Variants in FBXL7 observed in about 807,000 individuals in gnomAD.
FBXL7 encodes F-box/LRR-repeat protein 7.
A neutral mutation model predicts 38.3 loss-of-function variants in FBXL7; 12 were observed. That is an observed-to-expected ratio of 0.31 (90% CI 0.20 to 0.51). FBXL7 has a LOEUF of 0.51. Ranked by LOEUF, FBXL7 falls within the 20% of genes least tolerant of loss-of-function variation. FBXL7 has a pLI of 0.98. For missense variants in FBXL7, 567 were observed against 676.4 expected, an observed-to-expected ratio of 0.84 and a Z score of 1.79; for synonymous variants, 297 against 300.9, an observed-to-expected ratio of 0.99 and a Z score of 0.13.
At chr5:15,792,955 C>T (rs1737315242) in intron 2 of FBXL7, among the ~76,000 whole-genome samples, 1 of 152,126 alleles carries the variant, frequency 6.6e-6, no homozygotes. Context: ...GGGAGTCAGA[C>T]CAGGAACTGT....
chr5:15,805,825 G>T (rs983473879), intron 2 of FBXL7, among the ~76,000 whole-genome samples: 1 of 152,124 alleles, frequency 6.6e-6, no homozygotes, highest in African/African-American at 2.4e-5. Context: ...TAACTTCAGT[G>T]GATATAAAAT....
intron 2 of FBXL7, among the ~76,000 whole-genome samples, chr5:15,917,528 A>C (rs1455664538): frequency 6.6e-6 from 1 of 152,092 alleles, no homozygotes; most frequent in African/African-American, 2.4e-5. Flanking sequence ...GGATCCCTTG[A>C]GTCCAGGGGT....
chr5:15,539,425 G>A (rs57991493), intron 1 of FBXL7, among the ~76,000 whole-genome samples: 5,205 of 152,134 alleles, frequency 0.034, 210 homozygotes, highest in African/African-American at 0.1. Context: ...ACTCTTAATG[G>A]TCTACACTGT....
At chr5:15,834,630 C>A (rs1738541460) in intron 2 of FBXL7, among the ~76,000 whole-genome samples, 1 of 152,200 alleles carries the variant, frequency 6.6e-6, no homozygotes, top group Non-Finnish European at 1.5e-5. Flanking sequence ...TCCAGACAAT[C>A]TTAAATGCAC....
intron 2 of FBXL7, among the ~76,000 whole-genome samples, chr5:15,676,504 T>C (rs997205299): frequency 2.0e-5 from 3 of 152,264 alleles, no homozygotes; most frequent in Admixed American, 2.0e-4. Context: ...TTTAAAATCT[T>C]ACTCAAGCTT....
chr5:15,527,039 A>G lies in FBXL7; in HGVS notation c.37+26326A>G, dbSNP rs371832908. On this transcript the variant is annotated intron_variant, in intron 1 of 3. Coordinates refer to ENST00000504595, the MANE Select transcript of FBXL7 (RefSeq NM_012304.5). Reference sequence around the variant, plus strand: ...CTAACTGTTCACATTGTAGTAGTTCAGTTGGTTTATGGACCTCCACCCATG... The same window carrying G: ...CTAACTGTTCACATTGTAGTAGTTCGGTTGGTTTATGGACCTCCACCCATG... 8.5e-5 allele frequency among the ~76,000 whole-genome samples: 13 copies of G among 152,320 alleles called. No homozygotes were observed. In the East Asian group the frequency reaches 1.4e-3, roughly 16 times the overall value.
At chr5:15,750,544 G>A (rs1212985102) in intron 2 of FBXL7, among the ~76,000 whole-genome samples, 1 of 152,200 alleles carries the variant, frequency 6.6e-6, no homozygotes, top group Non-Finnish European at 1.5e-5. Context: ...TCAAGTCTCT[G>A]ATTGAACATT....
chr5:15,785,007 G>A (rs573828337), intron 2 of FBXL7, among the ~76,000 whole-genome samples: 36 of 152,200 alleles, frequency 2.4e-4, no homozygotes, highest in African/African-American at 7.7e-4. Flanking sequence ...TTCATCTGAG[G>A]GTTGGGTGTA....
At chr5:15,739,407 G>A (rs537758449) in intron 2 of FBXL7, among the ~76,000 whole-genome samples, 9 of 152,280 alleles carry the variant, frequency 5.9e-5, no homozygotes, top group African/African-American at 7.2e-5. Context: ...TTCACATACC[G>A]TAGATTTCAC....
chr5:15,796,441 T>C (rs1195687937), intron 2 of FBXL7, among the ~76,000 whole-genome samples: 1 of 151,922 alleles, frequency 6.6e-6, no homozygotes, highest in African/African-American at 2.4e-5. Context: ...CCATTTGGCC[T>C]GCAAAGCCTA....
intron 2 of FBXL7, among the ~76,000 whole-genome samples, chr5:15,762,000 T>G (rs1736461582): frequency 6.6e-6 from 1 of 152,210 alleles, no homozygotes; most frequent in Non-Finnish European, 1.5e-5. Flanking sequence ...CAACACACGT[T>G]CATTATCTCA....
At chr5:15,772,566 C>G (rs1012561002) in intron 2 of FBXL7, among the ~76,000 whole-genome samples, 1 of 152,164 alleles carries the variant, frequency 6.6e-6, no homozygotes, top group African/African-American at 2.4e-5. Context: ...GCCACAGAAG[C>G]TATGTCAACT....
chr5:15,744,575 T>C (rs1735967699), intron 2 of FBXL7, among the ~76,000 whole-genome samples: 1 of 152,222 alleles, frequency 6.6e-6, no homozygotes, highest in Admixed American at 6.5e-5. Flanking sequence ...TTCTCACACT[T>C]TCCTGTCTTC....
chr5:15,545,540 G>A (rs1454900530), intron 1 of FBXL7, among the ~76,000 whole-genome samples: 1 of 152,032 alleles, frequency 6.6e-6, no homozygotes, highest in Non-Finnish European at 1.5e-5. Flanking sequence ...ACTTCTTACA[G>A]TTTTTAATGA....
intron 2 of FBXL7, among the ~76,000 whole-genome samples, chr5:15,754,794 A>T (rs1199198022): frequency 1.3e-5 from 2 of 152,178 alleles, no homozygotes; most frequent in African/African-American, 4.8e-5. Flanking sequence ...TCTAGACTCT[A>T]CTAGGCTCTT....
intron 1 of FBXL7, among the ~76,000 whole-genome samples, chr5:15,514,941 T>G (rs1437009766): frequency 6.6e-6 from 1 of 152,226 alleles, no homozygotes; most frequent in Non-Finnish European, 1.5e-5. Context: ...GAGTCCCATG[T>G]TGCAACTACA....
chr5:15,627,623 A>C (rs1740861980), intron 2 of FBXL7, among the ~76,000 whole-genome samples: 3 of 152,178 alleles, frequency 2.0e-5, no homozygotes, highest in Admixed American at 1.3e-4. Context: ...TCAGTGACAA[A>C]TAGGCCATTC....
intron 2 of FBXL7, among the ~76,000 whole-genome samples, chr5:15,727,957 GCT>G (rs1427492537): frequency 1.9e-4 from 29 of 152,146 alleles, no homozygotes; most frequent in Admixed American, 8.5e-4. Flanking sequence ...AATTTCCATT[GCT>G]CTCTCTTCAA....
intron 2 of FBXL7, among the ~76,000 whole-genome samples, chr5:15,634,873 G>C (rs1018527917): frequency 1.3e-5 from 2 of 151,898 alleles, no homozygotes; most frequent in Non-Finnish European, 2.9e-5. Flanking sequence ...AAGTCTCTCT[G>C]ACTCTCCTCC....
Sources: gnomAD v4.1 joint callset for allele counts (sites outside exome capture counted in the v4.1 genomes callset) on GRCh38, gnomAD v4.1.1 for gene constraint, MANE v1.5 for transcripts, NCBI Gene and HGNC (gene_info 2026-07-23, HGNC 2026-07-21) for gene names.